ELFN2: variants seen among roughly 807,000 people sequenced by gnomAD.
ELFN2 encodes the protein protein phosphatase 1 regulatory subunit 29.
In ELFN2, 17 loss-of-function variants were observed where a neutral mutation model predicts 45.5. That is an observed-to-expected ratio of 0.37 (90% CI 0.26 to 0.56). ELFN2 has a LOEUF of 0.56. Ranked by LOEUF, ELFN2 falls within the 20% of genes least tolerant of loss-of-function variation. The pLI is 0.77. For missense variants in ELFN2, 922 were observed against 1,183.2 expected, an observed-to-expected ratio of 0.78 and a Z score of 3.24; for synonymous variants, 550 against 551.5, an observed-to-expected ratio of 1.00 and a Z score of 0.04.
chr22:37,356,815 C>T (rs1425003429), intron 1 of ELFN2, among the ~76,000 whole-genome samples: 2 of 152,186 alleles, frequency 1.3e-5, no homozygotes, highest in African/African-American at 4.8e-5. Context: ...GGGATGTGAA[C>T]CACAGCACTA....
At position 37,382,564 on chromosome 22, in the gene ELFN2, A is replaced by ATTT. The variant is rs1569135120; in HGVS notation, c.-462-6569_-462-6568insAAA. Among the ~76,000 whole-genome samples the ATTT allele has an allele frequency of 4.4e-4, 56 of 128,272 alleles. 1 individual carries two copies. The East Asian group carries it at 6.8e-3, about 15-fold the overall frequency. 84.2% of individuals were successfully genotyped at this position (128,272 alleles called of 152,430 possible). On this transcript the variant is annotated intron_variant, in intron 2 of 2. Coordinates refer to ENST00000402918, the MANE Select transcript of ELFN2 (RefSeq NM_052906.5). ...GCCTTTTTTTTTTTTTTTTTTTTTA[A>ATTT]AAACAGACTCTAGCTAGCTCTGTCA...
Position 37,369,600 on chromosome 22 carries a change from A to G in ELFN2, c.*3472T>C, listed in dbSNP as rs928499195. The G allele has an allele frequency of 6.6e-6, 1 of 152,236 alleles. No homozygotes were observed. Among genetic ancestry groups the G allele is most frequent in the African/African-American group, 2.4e-5 (1 of 41,458 alleles). The allele number at this position is 152,236 out of a possible 1,614,324, so 9.4% of individuals were successfully genotyped here. A position where few individuals can be genotyped will look rare whatever the true frequency, so the allele number is the denominator to read the frequency against. On this transcript the variant is annotated 3_prime_UTR_variant, in exon 3 of 3. Coordinates refer to ENST00000402918, the MANE Select transcript of ELFN2 (RefSeq NM_052906.5). ...TCATGCCAGACCTCTGTGTTTTGCT[A>G]CTGGAAGGCCATAAGCTCCAACAGA...
intron 2 of ELFN2, among the ~76,000 whole-genome samples, chr22:37,400,102 G>C (rs745819559): frequency 2.7e-4 from 41 of 152,136 alleles, no homozygotes; most frequent in Non-Finnish European, 5.0e-4. Context: ...CTAGGAAACC[G>C]GGAGGGGCAA....
At chr22:37,367,479 G>A (rs888492335), downstream of ELFN2, among the ~76,000 whole-genome samples, 2 of 152,224 alleles carry the variant, frequency 1.3e-5, no homozygotes, top group Admixed American at 1.3e-4. Flanking sequence ...GTCCCACAGA[G>A]ACACTGGACC....
At chr22:37,345,810 T>C (rs1930683050) in intron 1 of ELFN2, among the ~76,000 whole-genome samples, 1 of 152,192 alleles carries the variant, frequency 6.6e-6, no homozygotes, top group African/African-American at 2.4e-5. Context: ...CCTCCCAAAG[T>C]GCTGGGATTA....
downstream of ELFN2, among the ~76,000 whole-genome samples, chr22:37,365,954 G>A (rs4821652): frequency 0.39 from 58,933 of 150,068 alleles, 11,901 homozygotes; most frequent in Admixed American, 0.57. Context: ...GAGCACTTAC[G>A]AATAAACTGA....
At chr22:37,415,812 A>T (rs908268856) in intron 2 of ELFN2, among the ~76,000 whole-genome samples, 3 of 152,078 alleles carry the variant, frequency 2.0e-5, no homozygotes, top group Non-Finnish European at 4.4e-5. Context: ...AATACAAAAA[A>T]TTAGCCAGGC....
chr22:37,395,378 C>T (rs1932189440), intron 2 of ELFN2, among the ~76,000 whole-genome samples: 1 of 152,194 alleles, frequency 6.6e-6, no homozygotes, highest in Admixed American at 6.5e-5. Context: ...ATGAAAACCC[C>T]TCCACGGCCC....
At chr22:37,364,205 G>A (rs1931151372), downstream of ELFN2, among the ~76,000 whole-genome samples, 1 of 152,164 alleles carries the variant, frequency 6.6e-6, no homozygotes, top group Non-Finnish European at 1.5e-5. Flanking sequence ...CTGGAAAAAG[G>A]GGCTTGCAGA....
At position 37,417,049 on chromosome 22, in the gene ELFN2, C is replaced by T. The variant is rs572780840; in HGVS notation, c.-463+720G>A. 9.7e-4 allele frequency among the ~76,000 whole-genome samples: 147 copies of T among 152,126 alleles called. 1 individual carries two copies. Among genetic ancestry groups the T allele is most frequent in the African/African-American group, 3.2e-3 (132 of 41,492 alleles). ...GCGGCTCCCTCACCACGGCAACCAC[C>T]GTCACTCAGCGCCGCCTGGACAACA... On this transcript the variant is annotated intron_variant, in intron 2 of 2. Coordinates refer to ENST00000402918, the MANE Select transcript of ELFN2 (RefSeq NM_052906.5). This position sits in a 1 kb window ranked among gnomAD's most constrained non-coding sequence, Gnocchi z 4.5.
intron 1 of ELFN2, among the ~76,000 whole-genome samples, chr22:37,344,679 C>A (rs1038091766): frequency 2.0e-5 from 3 of 152,302 alleles, no homozygotes; most frequent in African/African-American, 7.2e-5. Flanking sequence ...AGACTCCATG[C>A]ACGTGGCCCT....
At chr22:37,402,793 G>T (rs541699006) in intron 2 of ELFN2, among the ~76,000 whole-genome samples, 1 of 152,296 alleles carries the variant, frequency 6.6e-6, no homozygotes, top group South Asian at 2.1e-4. Context: ...GGACCAGGCA[G>T]GAGGCTGAGC....
intron 1 of ELFN2, among the ~76,000 whole-genome samples, chr22:37,350,712 G>A (rs1052991757): frequency 1.3e-5 from 2 of 150,552 alleles, no homozygotes; most frequent in African/African-American, 4.8e-5. Context: ...TGGCAGAATT[G>A]TGTCAGGAGT....
At position 37,394,175 on chromosome 22, in the gene ELFN2, C is replaced by A. The variant is rs77636795; in HGVS notation, c.-462-18179G>T. 9.5e-3 allele frequency among the ~76,000 whole-genome samples: 1,446 copies of A among 152,272 alleles called. 19 individuals are homozygous for A. The highest frequency in any genetic ancestry group is 0.03 in the African/African-American group (1,265 of 41,536). ...ATCATCCAAATTATGTCTGACTCCA[C>A]CCTCTCCCTCGTCTCTCATTTCCCA... is the stretch of plus-strand genomic sequence containing the variant. On this transcript the variant is annotated intron_variant, in intron 2 of 2. Coordinates refer to ENST00000402918, the MANE Select transcript of ELFN2 (RefSeq NM_052906.5).
At position 37,374,326 on chromosome 22, in the gene ELFN2, G is replaced by GC. The variant is rs1460698509; in HGVS notation, c.1208dup (p.Cys404LeufsTer43). On this transcript the variant is annotated frameshift_variant, in exon 3 of 3. Transcript: ENST00000402918. LOFTEE classifies it high-confidence loss of function. ...GCACGATAACCATGCCAAAGAGGCA[G>GC]CCCAGGATGGTCATGATGTAGTGGG... 6.2e-7 allele frequency: 1 copy of GC among 1,613,894 alleles called. No individual in the cohort carries two copies. Among genetic ancestry groups the GC allele is most frequent in the African/African-American group, 1.3e-5 (1 of 75,066 alleles).
intron 2 of ELFN2, among the ~76,000 whole-genome samples, chr22:37,382,914 G>C (rs1387525254): frequency 2.6e-5 from 4 of 152,144 alleles, no homozygotes; most frequent in African/African-American, 4.8e-5. Context: ...GCCAAGTCTG[G>C]TTCCTTGTGC....
At chr22:37,378,454 G>C (rs1017375566) in intron 2 of ELFN2, among the ~76,000 whole-genome samples, 3 of 152,242 alleles carry the variant, frequency 2.0e-5, no homozygotes, top group Non-Finnish European at 2.9e-5. Context: ...CCCTGCCAAA[G>C]GATGCGAAGA....
rs898418577 is a variant in ELFN2, at chr22:37,417,580, G to A, written c.-463+189C>T. ...CAACAGGCCTGCCGCTCTGCAGGCC[G>A]CCTCATAGGCCCTGTGGAAGGAAAG... is the stretch of plus-strand genomic sequence containing the variant. On this transcript the variant is annotated intron_variant, in intron 2 of 2. Transcript: ENST00000402918. The surrounding 1 kb of genome is among the most constrained non-coding windows in gnomAD (Gnocchi z 4.5). Among the ~76,000 whole-genome samples, 6 of 152,302 alleles carry A rather than the reference G, an allele frequency of 3.9e-5. No homozygotes were observed. The highest frequency in any genetic ancestry group is 7.2e-5 in the African/African-American group (3 of 41,576).
chr22:37,407,910 G>A (rs114549111), intron 2 of ELFN2, among the ~76,000 whole-genome samples: 3,016 of 151,694 alleles, frequency 0.02, 120 homozygotes, highest in African/African-American at 0.07. Flanking sequence ...AAAAAAGAAA[G>A]CGAGAAAAGG....
Sources: allele counts gnomAD v4.1 joint callset (sites outside exome capture counted in the v4.1 genomes callset), GRCh38; gene constraint gnomAD v4.1.1; non-coding constraint Gnocchi (gnomAD v3.1); transcripts MANE v1.5; gene names NCBI Gene and HGNC (gene_info 2026-07-23, HGNC 2026-07-21).